Variants in MCF2L2 observed in about 807,000 individuals in gnomAD.
MCF2L2 encodes probable guanine nucleotide exchange factor MCF2L2.
In MCF2L2, 102 loss-of-function variants were observed where a neutral mutation model predicts 150.2. The observed-to-expected ratio is 0.68, with a 90% CI of 0.58 to 0.80. The LOEUF is 0.80. Among genes scored for constraint, MCF2L2 ranks in the 30% least tolerant of loss-of-function variants. MCF2L2 has a pLI of 0.00. For synonymous variants in MCF2L2, 465 were observed against 491.3 expected, an observed-to-expected ratio of 0.95 and a Z score of 0.71; for missense variants, 1,256 against 1,372.8, an observed-to-expected ratio of 0.91 and a Z score of 1.34.
Position 183,179,540 on chromosome 3 carries a change from C to G in MCF2L2, c.3221+37G>C, listed in dbSNP as rs1311688454. The stretch of plus-strand genomic sequence containing the variant: ...AGAAGAAAGTCAGAGACGCCGTGGC[C>G]CAAAGAGGCGCTTAGTCTTTCCTCG... On this transcript the variant is annotated intron_variant, in intron 29 of 29. Transcript: ENST00000328913. This position sits in a 1 kb window ranked among gnomAD's most constrained non-coding sequence, Gnocchi z 4.2. 6.2e-7 allele frequency: 1 copy of G among 1,612,156 alleles called. No homozygotes were observed.
At chr3:183,342,620 ATGTGTGTGTGTG>A (rs57683720) in intron 3 of MCF2L2, among the ~76,000 whole-genome samples, 5,655 of 142,896 alleles carry the variant, frequency 0.04, 280 homozygotes, top group African/African-American at 0.11. Context: ...TGAAGATTAA[ATGTGTGTGTGTG>A]TGTGTGTGTG....
chr3:183,301,652 A>G (rs1728852807), intron 10 of MCF2L2, among the ~76,000 whole-genome samples: 1 of 152,098 alleles, frequency 6.6e-6, no homozygotes, highest in African/African-American at 2.4e-5. Context: ...AAAATTAGCC[A>G]GGCATGGCAG....
At chr3:183,315,998 C>T (rs1729587433) in intron 7 of MCF2L2, among the ~76,000 whole-genome samples, 1 of 152,234 alleles carries the variant, frequency 6.6e-6, no homozygotes. Flanking sequence ...GAGCCCAAGG[C>T]ACACAGCTCA....
At position 183,389,696 on chromosome 3, in the gene MCF2L2, C is replaced by T. The variant is rs1714033447; in HGVS notation, c.160G>A (p.Gly54Arg). 1 of 1,613,842 alleles carries T rather than the reference C, an allele frequency of 6.2e-7. No homozygotes were observed. Among genetic ancestry groups the T allele is most frequent in the Non-Finnish European group, 8.5e-7 (1 of 1,179,824 alleles). ...QLHRQFAILSGGRGEDGAPII... is the reference protein window; with the variant it reads ...QLHRQFAILSRGRGEDGAPII... ...AAATGCAAATGAATGTGCCCCTTACCTGAAAGAATGGCAAATTGTCTGTGA... is the reference window on the plus strand; with the variant it reads ...AAATGCAAATGAATGTGCCCCTTACTTGAAAGAATGGCAAATTGTCTGTGA... The change falls in exon 2 of 30, where the codon GGA becomes AGA. Residue 54 changes from glycine to arginine, a missense_variant and splice_region_variant. Physicochemically the swap from Gly to Arg is moderately radical, Grantham distance 125 (BLOSUM62 -2). Coordinates refer to ENST00000328913, the MANE Select transcript of MCF2L2 (RefSeq NM_015078.4).
intron 21 of MCF2L2, 74 bp downstream of exon 21, chr3:183,219,782 T>C (rs1723076923): frequency 1.0e-6 from 1 of 983,766 alleles, no homozygotes; most frequent in Non-Finnish European, 1.6e-6. Context: ...GTAAAATTGC[T>C]ATAAATCCTC....
At chr3:183,409,002 G>C (rs1211925447) in intron 1 of MCF2L2, among the ~76,000 whole-genome samples, 1 of 152,198 alleles carries the variant, frequency 6.6e-6, no homozygotes, top group Admixed American at 6.5e-5. Context: ...GTTTGTTTAA[G>C]ACTCTAGTGC....
intron 15 of MCF2L2, chr3:183,272,844 C>T (rs1335236202): frequency 8.0e-7 from 1 of 1,249,542 alleles, no homozygotes; most frequent in Admixed American, 4.4e-5. Flanking sequence ...ACATAAGTGT[C>T]TCTGGCCATC....
intron 1 of MCF2L2, among the ~76,000 whole-genome samples, chr3:183,420,189 T>A (rs1416673305): frequency 6.6e-6 from 1 of 152,216 alleles, no homozygotes; most frequent in Non-Finnish European, 1.5e-5. Context: ...TCCAAATTGT[T>A]CCAACCTCTG....
At chr3:183,333,985 T>C (rs1047115884) in intron 5 of MCF2L2, among the ~76,000 whole-genome samples, 3 of 142,812 alleles carry the variant, frequency 2.1e-5, no homozygotes, top group Non-Finnish European at 4.6e-5. Context: ...AAAAAAATGA[T>C]AGGGACATGT....
intron 15 of MCF2L2, among the ~76,000 whole-genome samples, chr3:183,245,761 G>C (rs1015546273): frequency 6.6e-6 from 1 of 152,156 alleles, no homozygotes; most frequent in Non-Finnish European, 1.5e-5. Context: ...AGACCCATAC[G>C]AGGATCATAT....
At chr3:183,184,813 C>G (rs1210092652) in intron 27 of MCF2L2, among the ~76,000 whole-genome samples, 2 of 152,168 alleles carry the variant, frequency 1.3e-5, no homozygotes, top group East Asian at 3.8e-4. Context: ...CATTGTAGAT[C>G]CTGCTGGTTC....
intron 1 of MCF2L2, among the ~76,000 whole-genome samples, chr3:183,412,597 C>T (rs922668091): frequency 2.0e-5 from 3 of 152,162 alleles, no homozygotes; most frequent in Non-Finnish European, 4.4e-5. Flanking sequence ...CCACACCTGG[C>T]CTTCTCTAAT....
At chr3:183,347,708 G>GA (rs1208996087) in intron 3 of MCF2L2, among the ~76,000 whole-genome samples, 3 of 151,820 alleles carry the variant, frequency 2.0e-5, no homozygotes, top group Admixed American at 6.6e-5. Context: ...AAATTTACCA[G>GA]AAAAAAACAA....
At chr3:183,183,417 A>C (rs1336505267) in intron 27 of MCF2L2, among the ~76,000 whole-genome samples, 3 of 152,138 alleles carry the variant, frequency 2.0e-5, no homozygotes, top group African/African-American at 7.2e-5. Flanking sequence ...CACTGAGGGG[A>C]CCCCAAAATC....
At chr3:183,288,019 G>C (rs1260621694) in intron 14 of MCF2L2, among the ~76,000 whole-genome samples, 3 of 152,216 alleles carry the variant, frequency 2.0e-5, no homozygotes, top group African/African-American at 7.2e-5. Flanking sequence ...GCAGGGGAAA[G>C]GGAACCCCTT....
At chr3:183,209,227 T>A (rs1722601341) in intron 22 of MCF2L2, among the ~76,000 whole-genome samples, 1 of 152,268 alleles carries the variant, frequency 6.6e-6, no homozygotes, top group Non-Finnish European at 1.5e-5. Flanking sequence ...ATTCAATTCA[T>A]AATCAATATC....
Position 183,283,762 on chromosome 3 carries a change from T to G in MCF2L2, c.1776+5358A>C, listed in dbSNP as rs974715961. 6.6e-6 allele frequency among the ~76,000 whole-genome samples: 1 copy of G among 152,162 alleles called. No individual in the cohort carries two copies. The highest frequency in any genetic ancestry group is 1.5e-5 in the Non-Finnish European group (1 of 68,026). On this transcript the variant is annotated intron_variant, in intron 14 of 29. Coordinates refer to ENST00000328913, the MANE Select transcript of MCF2L2 (RefSeq NM_015078.4). The surrounding 1 kb of genome is among the most constrained non-coding windows in gnomAD (Gnocchi z 4.2). Reference sequence around the variant, plus strand: ...GTCTTGAACTCCTGAACTCAGGTGATCCACCCACCTCAGCCTCCCAAAGTG... The same window carrying G: ...GTCTTGAACTCCTGAACTCAGGTGAGCCACCCACCTCAGCCTCCCAAAGTG...
intron 1 of MCF2L2, among the ~76,000 whole-genome samples, chr3:183,401,705 T>C (rs1382580414): frequency 3.3e-5 from 5 of 152,234 alleles, no homozygotes; most frequent in South Asian, 2.1e-4. Flanking sequence ...TTGATTCTTT[T>C]GTGTCTAGCT....
intron 1 of MCF2L2, among the ~76,000 whole-genome samples, chr3:183,392,044 C>T (rs1056745762): frequency 6.6e-6 from 1 of 152,094 alleles, no homozygotes; most frequent in Non-Finnish European, 1.5e-5. Flanking sequence ...CAAACCACCA[C>T]GCCTGGCCAA....
Sources: gnomAD v4.1 joint callset for allele counts (sites outside exome capture counted in the v4.1 genomes callset) on GRCh38, gnomAD v4.1.1 for gene constraint, Gnocchi (gnomAD v3.1) non-coding constraint, MANE v1.5 for transcripts, NCBI Gene and HGNC (gene_info 2026-07-23, HGNC 2026-07-21) for gene names.